Variants in DPP10 observed in about 807,000 individuals in gnomAD.
DPP10 encodes inactive dipeptidyl peptidase 10.
A neutral mutation model predicts 120.9 loss-of-function variants in DPP10; 33 were observed. The observed-to-expected ratio is 0.27, with a 90% CI of 0.21 to 0.37. The LOEUF is 0.37. Among genes scored for constraint, DPP10 ranks in the 10% least tolerant of loss-of-function variants. DPP10 has a pLI of 1.00. For missense variants in DPP10, 816 were observed against 942.8 expected (o/e 0.87, Z 1.76); for synonymous variants, 337 against 326.1 (o/e 1.03, Z -0.36).
At chr2:115,465,894 G>A (rs1291759135) in intron 3 of DPP10, among the ~76,000 whole-genome samples, 3 of 152,094 alleles carry the variant, frequency 2.0e-5, no homozygotes, top group Non-Finnish European at 2.9e-5. Flanking sequence ...TAAATCTACA[G>A]TTTAGAGTTT....
At chr2:115,712,183 A>G (rs2092340743) in intron 7 of DPP10, among the ~76,000 whole-genome samples, 1 of 151,218 alleles carries the variant, frequency 6.6e-6, no homozygotes. Flanking sequence ...TTTTCCTGCA[A>G]CTAGATAGTC....
At position 115,739,814 on chromosome 2, in the gene DPP10, A is replaced by G; in HGVS notation, c.773A>G (p.Asp258Gly). 6.2e-7 allele frequency: 1 copy of G among 1,613,108 alleles called. No homozygotes were observed. Among genetic ancestry groups the G allele is most frequent in the Non-Finnish European group, 8.5e-7 (1 of 1,179,498 alleles). The stretch of plus-strand genomic sequence containing the variant: ...AGACTTGCCTTCCTGATGATAAATG[A>G]CTCTTTGGTACCCACCATGGTTATC... The part of the protein sequence containing the change: ...GERLAFLMIN[D>G]SLVPTMVIPR... The change falls in exon 9 of 26, where the codon GAC (aspartate) becomes GGC (glycine). Residue 258 changes from aspartate (D) to glycine (G), a missense_variant. Asp to Gly is a moderately conservative substitution (Grantham distance 94). Transcript: ENST00000410059.
chr2:114,906,903 G>T (rs926267042), intron 1 of DPP10, among the ~76,000 whole-genome samples: 2 of 152,090 alleles, frequency 1.3e-5, no homozygotes, highest in Non-Finnish European at 2.9e-5. Context: ...GAAAATTTGC[G>T]AGAGAGAGGT....
At chr2:114,974,053 A>G (rs1014852841) in intron 1 of DPP10, among the ~76,000 whole-genome samples, 18 of 152,046 alleles carry the variant, frequency 1.2e-4, no homozygotes, top group African/African-American at 4.3e-4. Context: ...TTAGTTTATA[A>G]AGTAAAAAAC....
intron 5 of DPP10, among the ~76,000 whole-genome samples, chr2:115,632,667 T>C (rs148704927): frequency 0.015 from 2,289 of 152,258 alleles, 62 homozygotes; most frequent in African/African-American, 0.053. Flanking sequence ...GAGAAAATTT[T>C]TACAATCTAC....
chr2:115,821,414 C>A (rs1185720367), intron 21 of DPP10, among the ~76,000 whole-genome samples: 1 of 151,742 alleles, frequency 6.6e-6, no homozygotes, highest in Non-Finnish European at 1.5e-5. Flanking sequence ...ATCCTTTTTT[C>A]ATTGATACAT....
chr2:114,766,935 G>A (rs1199589934), intron 1 of DPP10, among the ~76,000 whole-genome samples: 1 of 151,498 alleles, frequency 6.6e-6, no homozygotes, highest in African/African-American at 2.4e-5. Flanking sequence ...ACACACGAGA[G>A]AGAGAGAGAA....
chr2:114,479,970 C>T (rs2104669741), intron 1 of DPP10, among the ~76,000 whole-genome samples: 1 of 151,750 alleles, frequency 6.6e-6, no homozygotes, highest in East Asian at 2.0e-4. Flanking sequence ...ACTCATCTGA[C>T]AAAGGGCTAA....
intron 1 of DPP10, among the ~76,000 whole-genome samples, chr2:114,857,018 G>A (rs1424739391): frequency 2.0e-5 from 3 of 151,862 alleles, no homozygotes; most frequent in Non-Finnish European, 4.4e-5. Context: ...AAGATACTGA[G>A]AGTCAGAAAA....
chr2:114,772,240 C>CTCTG (rs1214968123), intron 1 of DPP10, among the ~76,000 whole-genome samples: 1 of 151,982 alleles, frequency 6.6e-6, no homozygotes, highest in Non-Finnish European at 1.5e-5. Context: ...TCACTGCAAC[C>CTCTG]TCTGCCTCCC....
rs547225434 is a variant in DPP10 at position 115,177,427 on chromosome 2, C to T, written c.61-131812C>T. ...TGTTTAGTTCGGCAGTCGGTGCTAA[C>T]GGAGTCTATTTTTTTCACTTCCAAT... On this transcript the variant is annotated intron_variant, in intron 1 of 25. Coordinates refer to ENST00000410059, the MANE Select transcript of DPP10 (RefSeq NM_020868.6). Among the ~76,000 whole-genome samples, 17 of 152,210 alleles carry T rather than the reference C, an allele frequency of 1.1e-4. No individual in the cohort carries two copies. The South Asian group carries it at 2.3e-3, about 21-fold the overall frequency.
At chr2:115,106,811 C>T (rs551175741) in intron 1 of DPP10, among the ~76,000 whole-genome samples, 8 of 152,202 alleles carry the variant, frequency 5.3e-5, no homozygotes, top group African/African-American at 1.7e-4. Flanking sequence ...CGCGGTGGCT[C>T]ACGCCTGTGA....
chr2:115,201,997 G>T, intron 1 of DPP10, among the ~76,000 whole-genome samples: 1 of 152,190 alleles, frequency 6.6e-6, no homozygotes, highest in East Asian at 1.9e-4. Context: ...ATGATTCAGG[G>T]TTCTCAATTT....
chr2:114,783,304 C>A (rs1682488013), intron 1 of DPP10, among the ~76,000 whole-genome samples: 1 of 151,966 alleles, frequency 6.6e-6, no homozygotes, highest in African/African-American at 2.4e-5. Flanking sequence ...AAAATGACAG[C>A]AAATATGCAT....
intron 1 of DPP10, among the ~76,000 whole-genome samples, chr2:115,215,702 A>T (rs2056779727): frequency 1.3e-5 from 2 of 152,138 alleles, no homozygotes; most frequent in South Asian, 4.1e-4. Context: ...CAGTATGCAG[A>T]TTTTTTCAAA....
chr2:115,719,038 T>C (rs1213781445), intron 7 of DPP10, among the ~76,000 whole-genome samples: 1 of 152,204 alleles, frequency 6.6e-6, no homozygotes, highest in Non-Finnish European at 1.5e-5. Context: ...CTTAATGTTT[T>C]CAATTACCAA....
At chr2:115,822,749 A>C (rs1575896870) in intron 21 of DPP10, among the ~76,000 whole-genome samples, 1 of 152,012 alleles carries the variant, frequency 6.6e-6, no homozygotes, top group South Asian at 2.1e-4. Context: ...ATATTGTCAT[A>C]ACTTCTCATC....
chr2:115,697,640 A>G (rs1250509121), intron 7 of DPP10, among the ~76,000 whole-genome samples: 1 of 152,028 alleles, frequency 6.6e-6, no homozygotes, highest in African/African-American at 2.4e-5. Flanking sequence ...CATACTCTCA[A>G]TAATGGCTAG....
At chr2:114,610,489 C>T (rs1693199261) in intron 1 of DPP10, among the ~76,000 whole-genome samples, 1 of 151,960 alleles carries the variant, frequency 6.6e-6, no homozygotes, top group South Asian at 2.1e-4. Context: ...AGATTCAGAA[C>T]CAGGGCTGGG....
Sources: gnomAD v4.1 joint callset for allele counts (sites outside exome capture counted in the v4.1 genomes callset) on GRCh38, gnomAD v4.1.1 for gene constraint, MANE v1.5 for transcripts, NCBI Gene and HGNC (gene_info 2026-07-23, HGNC 2026-07-21) for gene names.